RALGAPA1: variants seen among roughly 807,000 people sequenced by gnomAD.
RALGAPA1 encodes the protein ral GTPase-activating protein subunit alpha-1.
A neutral mutation model predicts 269.6 loss-of-function variants in RALGAPA1; 52 were observed. That is an observed-to-expected ratio of 0.19 (90% CI 0.15 to 0.24). The LOEUF (loss-of-function observed/expected upper bound fraction) is 0.24. RALGAPA1 is among the 10% of genes least tolerant of loss of function. RALGAPA1 has a pLI of 1.00. For missense variants in RALGAPA1, 1,917 were observed against 3,013.9 expected (o/e 0.64, Z 8.52); for synonymous variants, 817 against 1,008.3 (o/e 0.81, Z 3.60).
chr14:35,538,380 T>C lies in RALGAPA1; in HGVS notation c.*1334A>G, dbSNP rs2053696263. The C allele has an allele frequency of 6.6e-6, 1 of 152,478 alleles. No homozygotes were observed. Among genetic ancestry groups the C allele is most frequent in the South Asian group, 2.1e-4 (1 of 4,836 alleles). The allele number at this position is 152,478 out of a possible 1,614,324, so 9.4% of individuals were successfully genotyped here. A position where few individuals can be genotyped will look rare whatever the true frequency, so the allele number is the denominator to read the frequency against. On this transcript the variant is annotated 3_prime_UTR_variant, in exon 42 of 42. Coordinates refer to ENST00000680220, the MANE Select transcript of RALGAPA1 (RefSeq NM_001346249.2). Reference sequence around the variant, plus strand: ...ATAGGAAGTGATAAGAATATTTTTATTGTATTATTAAATACCATGTCATCT... The same window carrying C: ...ATAGGAAGTGATAAGAATATTTTTACTGTATTATTAAATACCATGTCATCT...
chr14:35,638,363 T>G (rs2139789618), intron 31 of RALGAPA1, among the ~76,000 whole-genome samples: 1 of 152,324 alleles, frequency 6.6e-6, no homozygotes, highest in South Asian at 2.1e-4. Flanking sequence ...AATTTTCTTT[T>G]TGCTTGTTGT....
intron 16 of RALGAPA1, among the ~76,000 whole-genome samples, chr14:35,709,064 T>C (rs1335816433): frequency 6.6e-6 from 1 of 152,056 alleles, no homozygotes; most frequent in Non-Finnish European, 1.5e-5. Flanking sequence ...GAAGGATAGT[T>C]ACTAGAGGCT....
At chr14:35,553,711 A>G (rs2055249064) in intron 39 of RALGAPA1, among the ~76,000 whole-genome samples, 1 of 152,216 alleles carries the variant, frequency 6.6e-6, no homozygotes, top group Non-Finnish European at 1.5e-5. Flanking sequence ...TAATTTTCAC[A>G]AAAAGGAATT....
At chr14:35,617,649 G>T (rs111568434) in intron 35 of RALGAPA1, among the ~76,000 whole-genome samples, 1 of 66,598 alleles carries the variant, frequency 1.5e-5, no homozygotes, top group South Asian at 8.5e-4. Flanking sequence ...GGGGGGGGGG[G>T]GGGAAGGGGG....
intron 27 of RALGAPA1, among the ~76,000 whole-genome samples, chr14:35,662,257 CAAGAAGAGGAG>C (rs1485204373): frequency 3.3e-5 from 5 of 151,972 alleles, no homozygotes; most frequent in Non-Finnish European, 7.4e-5. Flanking sequence ...TAAAGAGAGG[CAAGAAGAGGAG>C]AGCAGAATTA....
chr14:35,632,049 T>A (rs1414358954), intron 33 of RALGAPA1, among the ~76,000 whole-genome samples: 1 of 152,134 alleles, frequency 6.6e-6, no homozygotes, highest in Non-Finnish European at 1.5e-5. Flanking sequence ...AAAGAATAAA[T>A]TTAAATCTCA....
chr14:35,711,769 C>A (rs1020253374), intron 16 of RALGAPA1, among the ~76,000 whole-genome samples: 3 of 152,154 alleles, frequency 2.0e-5, no homozygotes, highest in African/African-American at 7.2e-5. Flanking sequence ...GCCACTGTAC[C>A]CCACCCAAGT....
chr14:35,776,857 C>G (rs1408299867), intron 1 of RALGAPA1, among the ~76,000 whole-genome samples: 1 of 151,734 alleles, frequency 6.6e-6, no homozygotes, highest in Admixed American at 6.6e-5. Flanking sequence ...TACCCTAGAA[C>G]TTAGAGTATA....
intron 12 of RALGAPA1, among the ~76,000 whole-genome samples, chr14:35,737,085 T>C (rs905281890): frequency 2.0e-5 from 3 of 148,082 alleles, no homozygotes; most frequent in Non-Finnish European, 4.5e-5. Flanking sequence ...CTACAAACCA[T>C]TAAGAGAAAG....
chr14:35,570,794 G>A (rs1418780855), intron 38 of RALGAPA1, 50 bp from the exon 39 acceptor site: 1 of 1,526,968 alleles, frequency 6.5e-7, no homozygotes, highest in Non-Finnish European at 8.8e-7. Context: ...CAGACAGATT[G>A]TAAATAAGAG....
chr14:35,757,119 ATTTT>A (rs201089890), intron 6 of RALGAPA1, among the ~76,000 whole-genome samples: 1 of 144,868 alleles, frequency 6.9e-6, no homozygotes, highest in Admixed American at 6.9e-5. Context: ...TATTATTATT[ATTTT>A]TTTTTTTTTT....
intron 40 of RALGAPA1, 112 bp from the exon 41 acceptor site, chr14:35,548,650 G>A (rs1487676841): frequency 1.4e-6 from 1 of 691,042 alleles, no homozygotes; most frequent in Non-Finnish European, 2.4e-6. Context: ...ATCATAAAAT[G>A]CAGTACCCTC....
At chr14:35,623,037 G>C (rs2060738468) in intron 35 of RALGAPA1, among the ~76,000 whole-genome samples, 1 of 148,332 alleles carries the variant, frequency 6.7e-6, no homozygotes. Flanking sequence ...AGCTGAAGTT[G>C]TGCCATTGCA....
intron 36 of RALGAPA1, among the ~76,000 whole-genome samples, chr14:35,602,569 T>C (rs2059356686): frequency 6.6e-6 from 1 of 152,222 alleles, no homozygotes; most frequent in African/African-American, 2.4e-5. Flanking sequence ...CAGCAAAGGA[T>C]GTTGAGCACC....
At chr14:35,746,977 A>G (rs1306734400) in intron 10 of RALGAPA1, among the ~76,000 whole-genome samples, 8 of 152,004 alleles carry the variant, frequency 5.3e-5, no homozygotes, top group African/African-American at 1.7e-4. Flanking sequence ...CTCTGGCAAG[A>G]ATCATCATTA....
chr14:35,576,573 A>C (rs1027326111), intron 37 of RALGAPA1, among the ~76,000 whole-genome samples: 9 of 152,216 alleles, frequency 5.9e-5, no homozygotes, highest in African/African-American at 1.9e-4. Context: ...CCTTACAGCA[A>C]GTCATTACAG....
At chr14:35,794,954 T>C (rs1045663710) in intron 1 of RALGAPA1, among the ~76,000 whole-genome samples, 10 of 152,164 alleles carry the variant, frequency 6.6e-5, no homozygotes, top group Non-Finnish European at 1.3e-4. Context: ...CTTCTCTAAA[T>C]ATAAAAAAGT....
intron 1 of RALGAPA1, among the ~76,000 whole-genome samples, chr14:35,786,674 A>T (rs938961393): frequency 1.3e-5 from 2 of 152,050 alleles, no homozygotes; most frequent in Non-Finnish European, 2.9e-5. Flanking sequence ...GTATCTCTCC[A>T]CAGTATCTCT....
chr14:35,599,198 C>T (rs2059120052), intron 36 of RALGAPA1, among the ~76,000 whole-genome samples: 1 of 152,134 alleles, frequency 6.6e-6, no homozygotes, highest in Non-Finnish European at 1.5e-5. Context: ...ATTTTTGCTT[C>T]AACAGTCAAA....
Sources: allele counts gnomAD v4.1 joint callset (sites outside exome capture counted in the v4.1 genomes callset), GRCh38; gene constraint gnomAD v4.1.1; transcripts MANE v1.5; gene names NCBI Gene and HGNC (gene_info 2026-07-23, HGNC 2026-07-21).